The following DLGAP2 variants were observed in gnomAD, a reference collection of about 807,000 sequenced individuals.
DLGAP2 encodes disks large-associated protein 2.
Under a neutral mutation model 100.3 loss-of-function variants are expected in DLGAP2, and 26 were observed. The observed-to-expected ratio is 0.26, with a 90% CI of 0.19 to 0.36. The LOEUF is 0.36. Ranked by LOEUF, DLGAP2 falls within the 10% of genes least tolerant of loss-of-function variation. The probability of loss-of-function intolerance (pLI) is 1.00; values close to 1 mark genes in which losing one functional copy is unlikely to be tolerated. For missense variants in DLGAP2, 1,858 were observed against 1,453.2 expected, an observed-to-expected ratio of 1.28 and a Z score of -4.53; for synonymous variants, 886 against 630.1, an observed-to-expected ratio of 1.41 and a Z score of -6.08.
chr8:1,344,594 T>C (rs1245354232), intron 3 of DLGAP2, among the ~76,000 whole-genome samples: 2 of 152,010 alleles, frequency 1.3e-5, no homozygotes, highest in African/African-American at 4.8e-5. Context: ...AGACTAAGAG[T>C]GCATGTACCT....
At chr8:1,356,262 C>G (rs973259510) in intron 3 of DLGAP2, among the ~76,000 whole-genome samples, 16 of 152,158 alleles carry the variant, frequency 1.1e-4, no homozygotes, top group African/African-American at 3.9e-4. Context: ...GCAGAAAGCT[C>G]ACCTGCTGTC....
At chr8:1,595,767 T>C (rs1584970346) in intron 6 of DLGAP2, among the ~76,000 whole-genome samples, 1 of 151,936 alleles carries the variant, frequency 6.6e-6, no homozygotes, top group Admixed American at 6.6e-5. Context: ...ACCACTACCC[T>C]GCCTATTATT....
intron 8 of DLGAP2, among the ~76,000 whole-genome samples, chr8:1,651,609 C>T (rs1470241968): frequency 6.6e-6 from 1 of 152,164 alleles, no homozygotes; most frequent in South Asian, 2.1e-4. Flanking sequence ...CCACTCCTGC[C>T]GGGCTCCTGC....
chr8:1,654,775 C>G (rs1356658006), intron 8 of DLGAP2, among the ~76,000 whole-genome samples: 1 of 151,862 alleles, frequency 6.6e-6, no homozygotes, highest in Non-Finnish European at 1.5e-5. Context: ...GTGTTGATGT[C>G]AAATCATCCT....
At chr8:1,495,939 G>T (rs1303165454) in intron 3 of DLGAP2, among the ~76,000 whole-genome samples, 2 of 152,188 alleles carry the variant, frequency 1.3e-5, no homozygotes, top group Non-Finnish European at 2.9e-5. Flanking sequence ...TGACAGCCAA[G>T]GATTGGCCCA....
chr8:1,502,738 C>T (rs1799766166), intron 4 of DLGAP2, among the ~76,000 whole-genome samples: 1 of 152,162 alleles, frequency 6.6e-6, no homozygotes, highest in Admixed American at 6.5e-5. Flanking sequence ...ACTCATTTGA[C>T]GTTTGTTTTC....
chr8:908,632 C>G (rs1357921555), intron 2 of DLGAP2, among the ~76,000 whole-genome samples: 1 of 152,178 alleles, frequency 6.6e-6, no homozygotes, highest in Non-Finnish European at 1.5e-5. Flanking sequence ...TCAGTCAGGG[C>G]TTGTTATCCT....
chr8:1,597,380 T>G (rs1259441164), intron 6 of DLGAP2, among the ~76,000 whole-genome samples: 1 of 12,274 alleles, frequency 8.1e-5, no homozygotes, highest in Non-Finnish European at 2.4e-4. Context: ...TTTAAAGTAG[T>G]TTTTTTTTTC....
intron 3 of DLGAP2, among the ~76,000 whole-genome samples, chr8:1,451,195 G>C (rs1798149605): frequency 6.6e-6 from 1 of 152,152 alleles, no homozygotes; most frequent in South Asian, 2.1e-4. Flanking sequence ...GCCATATTTG[G>C]AGCCTGGTTC....
chr8:960,259 A>T (rs1799695219), intron 2 of DLGAP2, among the ~76,000 whole-genome samples: 2 of 524 alleles, frequency 3.8e-3, no homozygotes, highest in Non-Finnish European at 0.014. Context: ...TTTTCCCGAG[A>T]CACTCTCACG....
intron 3 of DLGAP2, among the ~76,000 whole-genome samples, chr8:1,424,790 C>T (rs1024816738): frequency 2.6e-5 from 4 of 152,122 alleles, no homozygotes; most frequent in African/African-American, 7.2e-5. Context: ...CCGAATAGGA[C>T]AAGGACAGTA....
At chr8:1,165,638 A>G (rs1288335394) in intron 2 of DLGAP2, among the ~76,000 whole-genome samples, 1 of 152,236 alleles carries the variant, frequency 6.6e-6, no homozygotes, top group Non-Finnish European at 1.5e-5. Flanking sequence ...TGACTGTTAC[A>G]TGATTTTCGT....
chr8:1,261,151 G>C (rs1799340174), intron 3 of DLGAP2, among the ~76,000 whole-genome samples: 1 of 151,780 alleles, frequency 6.6e-6, no homozygotes, highest in Non-Finnish European at 1.5e-5. Context: ...GGGCAGGTCA[G>C]CTTCCAGATC....
At chr8:1,260,481 C>T (rs1799323531) in intron 3 of DLGAP2, among the ~76,000 whole-genome samples, 1 of 152,194 alleles carries the variant, frequency 6.6e-6, no homozygotes, top group Non-Finnish European at 1.5e-5. Context: ...ATGCCACTTA[C>T]TGCTGTCATA....
intron 2 of DLGAP2, among the ~76,000 whole-genome samples, chr8:1,235,044 CAT>C (rs1798615045): frequency 6.6e-6 from 1 of 151,586 alleles, no homozygotes; most frequent in Non-Finnish European, 1.5e-5. Flanking sequence ...CACATGGCGC[CAT>C]GTCTAGTTCT....
At chr8:894,749 C>G (rs1259552901) in intron 1 of DLGAP2, among the ~76,000 whole-genome samples, 2 of 76,082 alleles carry the variant, frequency 2.6e-5, no homozygotes, top group Non-Finnish European at 4.8e-5. Flanking sequence ...GTGGGGAGAG[C>G]GGAGTGGTGA....
At chr8:911,187 G>A (rs1356599178) in intron 2 of DLGAP2, among the ~76,000 whole-genome samples, 1 of 152,204 alleles carries the variant, frequency 6.6e-6, no homozygotes, top group African/African-American at 2.4e-5. Flanking sequence ...AACTGGAGGG[G>A]TGAGAACTTT....
chr8:1,328,560 A>C (rs1801076372), intron 3 of DLGAP2, among the ~76,000 whole-genome samples: 1 of 152,020 alleles, frequency 6.6e-6, no homozygotes, highest in Non-Finnish European at 1.5e-5. Context: ...CATGTTGGCC[A>C]GGCTGGTCTT....
At chr8:1,195,284 C>T (rs1328905216) in intron 2 of DLGAP2, among the ~76,000 whole-genome samples, 4 of 152,256 alleles carry the variant, frequency 2.6e-5, no homozygotes, top group South Asian at 2.1e-4. Context: ...CCAGTTAGAA[C>T]TGGCTTCCCT....
Sources: allele counts gnomAD v4.1 joint callset (sites outside exome capture counted in the v4.1 genomes callset), GRCh38; gene constraint gnomAD v4.1.1; transcripts MANE v1.5; gene names NCBI Gene and HGNC (gene_info 2026-07-23, HGNC 2026-07-21).